The following PTPRG variants were observed in gnomAD, a reference collection of about 807,000 sequenced individuals.
The protein encoded by PTPRG is receptor-type tyrosine-protein phosphatase gamma.
A neutral mutation model predicts 165.3 loss-of-function variants in PTPRG; 102 were observed. The ratio of observed to expected loss-of-function variants is 0.62; its 90% confidence interval spans 0.53 to 0.73. The LOEUF (loss-of-function observed/expected upper bound fraction) is 0.73, where lower values mean the gene tolerates loss of function less well. Among genes scored for constraint, PTPRG ranks in the 30% least tolerant of loss-of-function variants. PTPRG has a pLI of 0.00. For synonymous variants in PTPRG, 675 were observed against 669.5 expected (o/e 1.01, Z -0.13); for missense variants, 1,866 against 1,861.4 (o/e 1.00, Z -0.05).
At position 61,628,885 on chromosome 3, in the gene PTPRG, G is replaced by A. The variant is rs556476064; in HGVS notation, c.85+66513G>A. 2.6e-5 allele frequency among the ~76,000 whole-genome samples: 4 copies of A among 152,254 alleles called. 1 individual carries two copies. The South Asian group carries it at 8.3e-4, about 32-fold the overall frequency. On this transcript the variant is annotated intron_variant, in intron 1 of 29. Transcript: ENST00000474889. ...TTGAGTAACTTGATCACAGTCTCTC[G>A]ACTCATAAGCATCTTTGTTGGTAAA... is the stretch of plus-strand genomic sequence containing the variant.
At chr3:62,136,038 A>C (rs943102507) in intron 6 of PTPRG, among the ~76,000 whole-genome samples, 21 of 152,186 alleles carry the variant, frequency 1.4e-4, no homozygotes, top group African/African-American at 5.1e-4. Flanking sequence ...TCCTCACAGC[A>C]GCTTGTCTCT....
In PTPRG at chr3:62,219,100, T is replaced by C. The variant is rs982576342; in HGVS notation, c.2288+117T>C. 3.2e-5 allele frequency: 44 copies of C among 1,393,626 alleles called. No homozygotes were observed. The highest frequency in any genetic ancestry group is 4.3e-5 in the Non-Finnish European group (44 of 1,029,104). 86.3% of individuals were successfully genotyped at this position (1,393,626 alleles called of 1,614,324 possible). ...AGGAAGGTGAGGTAGCTTAAGTGTTTCTGGTCTTGCCACCCGGAAGGCCAT... is the reference window on the plus strand; with the variant it reads ...AGGAAGGTGAGGTAGCTTAAGTGTTCCTGGTCTTGCCACCCGGAAGGCCAT... On this transcript the variant is annotated intron_variant, in intron 13 of 29. Coordinates refer to ENST00000474889, the MANE Select transcript of PTPRG (RefSeq NM_002841.4). The surrounding 1 kb of genome is among the most constrained non-coding windows in gnomAD (Gnocchi z 4.5).
chr3:62,147,082 T>C (rs1704149786), intron 6 of PTPRG, among the ~76,000 whole-genome samples: 1 of 152,212 alleles, frequency 6.6e-6, no homozygotes, highest in Non-Finnish European at 1.5e-5. Flanking sequence ...TAACAACCTA[T>C]GACCTTGGGT....
At chr3:61,971,281 T>C (rs1386589728) in intron 2 of PTPRG, among the ~76,000 whole-genome samples, 1 of 152,146 alleles carries the variant, frequency 6.6e-6, no homozygotes, top group Non-Finnish European at 1.5e-5. Context: ...GTTTGAACTC[T>C]GAAGCGAATA....
intron 2 of PTPRG, among the ~76,000 whole-genome samples, chr3:61,788,036 A>T (rs996565817): frequency 2.0e-5 from 3 of 152,190 alleles, no homozygotes; most frequent in African/African-American, 7.2e-5. Context: ...CCAGTTTGAC[A>T]GTAGCTCCCA....
intron 2 of PTPRG, among the ~76,000 whole-genome samples, chr3:61,878,443 CA>C (rs1432441184): frequency 6.6e-6 from 1 of 152,034 alleles, no homozygotes; most frequent in African/African-American, 2.4e-5. Flanking sequence ...TTTTAGTTTG[CA>C]TTTCTATTTT....
rs1270060444 is a variant in PTPRG at position 62,271,580 on chromosome 3, A to T, written c.3182+25A>T. The T allele has an allele frequency of 6.2e-7, 1 of 1,601,642 alleles. No homozygotes were observed. Among genetic ancestry groups the T allele is most frequent in the South Asian group, 1.1e-5 (1 of 89,084 alleles). The stretch of plus-strand genomic sequence containing the variant: ...GGTAGGGTCTAGGATTCAACATGTG[A>T]AATAGATGGGGCAGGGGACTTAGGC... On this transcript the variant is annotated intron_variant, in intron 21 of 29. Coordinates refer to ENST00000474889, the MANE Select transcript of PTPRG (RefSeq NM_002841.4). This position sits in a 1 kb window ranked among gnomAD's most constrained non-coding sequence, Gnocchi z 4.1.
intron 6 of PTPRG, among the ~76,000 whole-genome samples, chr3:62,153,189 G>A (rs866128514): frequency 2.2e-4 from 34 of 152,142 alleles, no homozygotes; most frequent in Middle Eastern, 3.2e-3. Context: ...ACGGTTGCTC[G>A]TTCCTAGCTT....
At chr3:62,074,513 T>C (rs2066734533) in intron 4 of PTPRG, among the ~76,000 whole-genome samples, 1 of 151,858 alleles carries the variant, frequency 6.6e-6, no homozygotes. Context: ...CACTCCTGGC[T>C]AATTTTTTGT....
intron 2 of PTPRG, among the ~76,000 whole-genome samples, chr3:61,789,541 A>G (rs1393287558): frequency 2.6e-5 from 4 of 152,240 alleles, no homozygotes; most frequent in Non-Finnish European, 5.9e-5. Context: ...AGTGCAGCAT[A>G]AAGTGTTGCT....
chr3:62,115,322 C>A (rs76283597), intron 5 of PTPRG, among the ~76,000 whole-genome samples: 2,021 of 152,224 alleles, frequency 0.013, 38 homozygotes, highest in African/African-American at 0.046. Flanking sequence ...AAAAAAACCC[C>A]TTTCCCTTGG....
intron 2 of PTPRG, among the ~76,000 whole-genome samples, chr3:61,794,899 G>T (rs1468887305): frequency 6.6e-6 from 1 of 151,990 alleles, no homozygotes; most frequent in Non-Finnish European, 1.5e-5. Flanking sequence ...ATGGTATTTG[G>T]ACTTATTTAG....
At chr3:62,009,879 A>T (rs1373910022) in intron 4 of PTPRG, among the ~76,000 whole-genome samples, 1 of 152,122 alleles carries the variant, frequency 6.6e-6, no homozygotes, top group Non-Finnish European at 1.5e-5. Context: ...CCGCTTAAAT[A>T]ATCCCTCCTT....
chr3:62,114,050 G>A (rs937921638), intron 5 of PTPRG, among the ~76,000 whole-genome samples: 1 of 152,198 alleles, frequency 6.6e-6, no homozygotes, highest in African/African-American at 2.4e-5. Flanking sequence ...CGTAATGCCA[G>A]CACTTTGGGA....
chr3:61,988,716 A>G (rs183843403), intron 2 of PTPRG, among the ~76,000 whole-genome samples: 3 of 152,186 alleles, frequency 2.0e-5, no homozygotes, highest in Non-Finnish European at 4.4e-5. Context: ...TCTTTCCAGT[A>G]AAAGTTGTTT....
intron 5 of PTPRG, among the ~76,000 whole-genome samples, chr3:62,090,972 G>A (rs1284597743): frequency 2.6e-5 from 4 of 152,160 alleles, no homozygotes; most frequent in East Asian, 1.9e-4. Flanking sequence ...AATTTGCTGC[G>A]AACTTCAAAT....
At chr3:62,247,192 G>A (rs899148336) in intron 15 of PTPRG, among the ~76,000 whole-genome samples, 2 of 152,148 alleles carry the variant, frequency 1.3e-5, no homozygotes, top group Non-Finnish European at 2.9e-5. Flanking sequence ...TGAAGAAACT[G>A]AGGTTCAGAG....
At chr3:62,037,591 A>G (rs1373409092) in intron 4 of PTPRG, among the ~76,000 whole-genome samples, 1 of 152,212 alleles carries the variant, frequency 6.6e-6, no homozygotes, top group Admixed American at 6.5e-5. Context: ...TTGTGTGCCA[A>G]AATCCAACTC....
At chr3:62,246,402 T>G (rs1701290114) in intron 15 of PTPRG, among the ~76,000 whole-genome samples, 1 of 152,184 alleles carries the variant, frequency 6.6e-6, no homozygotes, top group Admixed American at 6.5e-5. Flanking sequence ...AAATGACCTT[T>G]CCTTAAAGAG....
Sources: allele counts gnomAD v4.1 joint callset (sites outside exome capture counted in the v4.1 genomes callset), GRCh38; gene constraint gnomAD v4.1.1; non-coding constraint Gnocchi (gnomAD v3.1); transcripts MANE v1.5; gene names NCBI Gene and HGNC (gene_info 2026-07-23, HGNC 2026-07-21).